The following EFNA5 variants were observed in gnomAD, a reference collection of about 807,000 sequenced individuals.
The protein encoded by EFNA5 is ephrin-A5.
A neutral mutation model predicts 22.9 loss-of-function variants in EFNA5; 5 were observed. The ratio of observed to expected loss-of-function variants is 0.22; its 90% CI spans 0.11 to 0.46. The LOEUF is 0.46. EFNA5 is among the 20% of genes least tolerant of loss of function. The pLI, the probability that EFNA5 is intolerant of heterozygous loss-of-function variation, is 0.99. For synonymous variants in EFNA5, 113 were observed against 112.2 expected, an observed-to-expected ratio of 1.01 and a Z score of -0.04; for missense variants, 237 against 293.3, an observed-to-expected ratio of 0.81 and a Z score of 1.40.
Position 107,623,433 on chromosome 5 carries a change from C to T in EFNA5, c.125+47056G>A, listed in dbSNP as rs564170199. On this transcript the variant is annotated intron_variant, in intron 1 of 4. Transcript: ENST00000333274. ...TCCTGGGTTATAAATTTAAATAAATCATGTGAAATACATAGAAAAACTCTT... is the reference window on the plus strand; with the variant it reads ...TCCTGGGTTATAAATTTAAATAAATTATGTGAAATACATAGAAAAACTCTT... 3.9e-5 allele frequency among the ~76,000 whole-genome samples: 6 copies of T among 152,226 alleles called. No homozygotes were observed. In the East Asian group the frequency reaches 1.2e-3, roughly 29 times the overall value.
intron 1 of EFNA5, among the ~76,000 whole-genome samples, chr5:107,494,133 C>T (rs1245427311): frequency 6.6e-6 from 1 of 152,256 alleles, no homozygotes; most frequent in East Asian, 1.9e-4. Context: ...TCTGCCTGGG[C>T]TCCCACTTTG....
intron 1 of EFNA5, among the ~76,000 whole-genome samples, chr5:107,555,993 C>A (rs546946685): frequency 1.3e-4 from 20 of 152,330 alleles, no homozygotes; most frequent in African/African-American, 3.8e-4. Context: ...GTCTACGCTG[C>A]TGGACACATT....
At chr5:107,569,588 T>TATATATATATATATATATATAA (rs1748751796) in intron 1 of EFNA5, among the ~76,000 whole-genome samples, 1 of 92,358 alleles carries the variant, frequency 1.1e-5, no homozygotes, top group Non-Finnish European at 2.4e-5. Context: ...TATATATATA[T>TATATATATATATATATATATAA]ATATATATTC....
rs150594812 is a variant in EFNA5 at position 107,459,121 on chromosome 5, T to C, written c.126-31612A>G. On this transcript the variant is annotated intron_variant, in intron 1 of 4. Coordinates refer to ENST00000333274, the MANE Select transcript of EFNA5 (RefSeq NM_001962.3). Reference sequence around the variant, plus strand: ...GGACCTCAAAATATCAATTGGAGGCTACTGGCTCACGCCTGTAATCCCAGC... The same window carrying C: ...GGACCTCAAAATATCAATTGGAGGCCACTGGCTCACGCCTGTAATCCCAGC... Among the ~76,000 whole-genome samples the C allele has an allele frequency of 5.9e-3, 900 of 152,232 alleles. 10 individuals carry two copies. Among genetic ancestry groups the C allele is most frequent in the Non-Finnish European group, 8.5e-3 (577 of 68,000 alleles).
intron 2 of EFNA5, among the ~76,000 whole-genome samples, chr5:107,422,778 A>T (rs1341759092): frequency 6.6e-6 from 1 of 152,162 alleles, no homozygotes; most frequent in Non-Finnish European, 1.5e-5. Context: ...AAGTCACTGG[A>T]GGGCTGTGAC....
At chr5:107,542,855 C>G (rs1748075875) in intron 1 of EFNA5, among the ~76,000 whole-genome samples, 1 of 152,208 alleles carries the variant, frequency 6.6e-6, no homozygotes, top group Non-Finnish European at 1.5e-5. Context: ...AGGAAGTAAA[C>G]AGGCTTGCCT....
Position 107,576,117 on chromosome 5 carries a change from C to T in EFNA5, c.125+94372G>A, listed in dbSNP as rs557326073. 7.2e-5 allele frequency among the ~76,000 whole-genome samples: 11 copies of T among 152,256 alleles called. No homozygotes were observed. The South Asian group carries it at 1.2e-3, about 17-fold the overall frequency. On this transcript the variant is annotated intron_variant, in intron 1 of 4. Transcript: ENST00000333274. Reference sequence around the variant, plus strand: ...TAAATGTCTAGTTCTCCAAATGCATCGGCAGGGTACAAAATGGGTTGTTGT... The same window carrying T: ...TAAATGTCTAGTTCTCCAAATGCATTGGCAGGGTACAAAATGGGTTGTTGT...
chr5:107,449,926 G>A (rs1256789021), intron 1 of EFNA5, among the ~76,000 whole-genome samples: 1 of 152,184 alleles, frequency 6.6e-6, no homozygotes, highest in Non-Finnish European at 1.5e-5. Flanking sequence ...TTAAGCAGAC[G>A]GAGGTGATTT....
At chr5:107,560,473 C>G (rs1168146954) in intron 1 of EFNA5, among the ~76,000 whole-genome samples, 2 of 152,096 alleles carry the variant, frequency 1.3e-5, no homozygotes, top group Non-Finnish European at 1.5e-5. Context: ...TAAAAAATAC[C>G]TTGTTATTCA....
intron 1 of EFNA5, among the ~76,000 whole-genome samples, chr5:107,549,092 TA>T: frequency 6.6e-6 from 1 of 152,272 alleles, no homozygotes; most frequent in Admixed American, 6.5e-5. Context: ...TCTAGAGAAG[TA>T]AAAATTCATT....
At chr5:107,419,429 C>A (rs955583663) in intron 2 of EFNA5, among the ~76,000 whole-genome samples, 3 of 152,084 alleles carry the variant, frequency 2.0e-5, no homozygotes, top group Admixed American at 2.0e-4. Context: ...CAAATAGAGA[C>A]CCGATATAAT....
intron 1 of EFNA5, among the ~76,000 whole-genome samples, chr5:107,616,063 T>A (rs1749906514): frequency 6.6e-6 from 1 of 152,220 alleles, no homozygotes; most frequent in Non-Finnish European, 1.5e-5. Context: ...TTGGATTTAA[T>A]AAGTATTATA....
chr5:107,507,472 T>C (rs927323318), intron 1 of EFNA5, among the ~76,000 whole-genome samples: 22 of 152,228 alleles, frequency 1.4e-4, no homozygotes, highest in Admixed American at 5.9e-4. Context: ...GATCATTCAT[T>C]CATTTAGCAG....
At chr5:107,385,499 C>T (rs1747590789) in intron 4 of EFNA5, among the ~76,000 whole-genome samples, 1 of 152,172 alleles carries the variant, frequency 6.6e-6, no homozygotes, top group Non-Finnish European at 1.5e-5. Context: ...CTTCTCGTGG[C>T]TTCTTAACAA....
intron 2 of EFNA5, among the ~76,000 whole-genome samples, chr5:107,399,007 C>T (rs1165758733): frequency 6.6e-6 from 1 of 152,040 alleles, no homozygotes; most frequent in Non-Finnish European, 1.5e-5. Context: ...TGTCCGAGAA[C>T]TAGAAGTCTC....
At chr5:107,549,710 G>A (rs985200256) in intron 1 of EFNA5, among the ~76,000 whole-genome samples, 1 of 152,252 alleles carries the variant, frequency 6.6e-6, no homozygotes, top group Non-Finnish European at 1.5e-5. Flanking sequence ...GTCCTCTGAT[G>A]TAGGATGCCT....
At chr5:107,550,206 AG>A (rs1268980482) in intron 1 of EFNA5, among the ~76,000 whole-genome samples, 2 of 152,238 alleles carry the variant, frequency 1.3e-5, no homozygotes, top group Non-Finnish European at 2.9e-5. Flanking sequence ...CCTGAAACAC[AG>A]GGAACAACTC....
intron 1 of EFNA5, among the ~76,000 whole-genome samples, chr5:107,559,431 A>G (rs1332533815): frequency 1.3e-5 from 2 of 152,204 alleles, no homozygotes; most frequent in African/African-American, 2.4e-5. Flanking sequence ...TGAGCACTGA[A>G]TATTTACTGA....
At chr5:107,604,556 T>C (rs1749672461) in intron 1 of EFNA5, among the ~76,000 whole-genome samples, 1 of 151,914 alleles carries the variant, frequency 6.6e-6, no homozygotes, top group East Asian at 1.9e-4. Context: ...ATTCAAAAAA[T>C]AACATGGAAA....
Sources: gnomAD v4.1 joint callset for allele counts (sites outside exome capture counted in the v4.1 genomes callset) on GRCh38, gnomAD v4.1.1 for gene constraint, MANE v1.5 for transcripts, NCBI Gene and HGNC (gene_info 2026-07-23, HGNC 2026-07-21) for gene names.